RBFOX1: variants seen among roughly 807,000 people sequenced by gnomAD.
The protein encoded by RBFOX1 is RNA binding fox-1 homolog 1.
In RBFOX1, 8 loss-of-function variants were observed where a neutral mutation model predicts 57.7. The ratio of observed to expected loss-of-function variants is 0.14; its 90% CI spans 0.08 to 0.25. The LOEUF (loss-of-function observed/expected upper bound fraction) is 0.25. RBFOX1 is among the 10% of genes least tolerant of loss of function. RBFOX1 has a pLI of 1.00. For missense variants in RBFOX1, 611 were observed against 548.5 expected, an observed-to-expected ratio of 1.11 and a Z score of -1.14; for synonymous variants, 326 against 222.4, an observed-to-expected ratio of 1.47 and a Z score of -4.15.
At chr16:5,425,079 A>G (rs1365290348) in intron 1 of RBFOX1, among the ~76,000 whole-genome samples, 4 of 126,586 alleles carry the variant, frequency 3.2e-5, no homozygotes, top group African/African-American at 6.3e-5. Context: ...CTATCTATCT[A>G]TCTATCTATC....
chr16:7,338,773 A>G (rs1309752706), intron 4 of RBFOX1, among the ~76,000 whole-genome samples: 3 of 152,206 alleles, frequency 2.0e-5, no homozygotes, highest in African/African-American at 7.2e-5. Flanking sequence ...AAGATAAAGA[A>G]ATCTATAAAG....
chr16:6,992,282 A>G (rs564608019), intron 3 of RBFOX1, among the ~76,000 whole-genome samples: 11 of 151,970 alleles, frequency 7.2e-5, no homozygotes, highest in Admixed American at 6.6e-4. Context: ...TCCTGGTGCA[A>G]TCTCGGCTCA....
intron 2 of RBFOX1, among the ~76,000 whole-genome samples, chr16:5,513,540 G>T (rs2043681986): frequency 6.6e-6 from 1 of 152,176 alleles, no homozygotes; most frequent in African/African-American, 2.4e-5. Flanking sequence ...AATATGAGCA[G>T]CTCACATTTG....
chr16:6,081,455 C>G (rs2096000609), intron 1 of RBFOX1, among the ~76,000 whole-genome samples: 1 of 152,152 alleles, frequency 6.6e-6, no homozygotes, highest in African/African-American at 2.4e-5. Flanking sequence ...TGCTTCTGAG[C>G]TGAAGATGAA....
At chr16:7,504,541 A>G (rs1358857306) in intron 4 of RBFOX1, among the ~76,000 whole-genome samples, 1 of 149,892 alleles carries the variant, frequency 6.7e-6, no homozygotes. Context: ...CAGCCCACAA[A>G]AAAAGGTCAA....
intron 3 of RBFOX1, among the ~76,000 whole-genome samples, chr16:5,619,408 G>C (rs2048138637): frequency 6.6e-6 from 1 of 152,128 alleles, no homozygotes; most frequent in South Asian, 2.1e-4. Context: ...CCTGGGGCTG[G>C]GACTAGATTG....
chr16:7,101,227 T>C (rs1443537543), intron 4 of RBFOX1, among the ~76,000 whole-genome samples: 1 of 152,194 alleles, frequency 6.6e-6, no homozygotes, highest in Non-Finnish European at 1.5e-5. Context: ...AGGAATTTAT[T>C]CTGCACCAGC....
At chr16:6,672,384 A>G (rs1406744180) in intron 3 of RBFOX1, among the ~76,000 whole-genome samples, 3 of 151,066 alleles carry the variant, frequency 2.0e-5, no homozygotes, top group Non-Finnish European at 3.0e-5. Context: ...AAAGAGAGAG[A>G]GAAGGAGAGA....
At chr16:5,253,681 A>G (rs2062512979) in intron 1 of RBFOX1, among the ~76,000 whole-genome samples, 1 of 152,228 alleles carries the variant, frequency 6.6e-6, no homozygotes, top group South Asian at 2.1e-4. Context: ...TGAATCTGTT[A>G]CAGACAGGGT....
At chr16:5,638,917 C>G (rs542585520) in intron 3 of RBFOX1, among the ~76,000 whole-genome samples, 84 of 152,272 alleles carry the variant, frequency 5.5e-4, no homozygotes, top group African/African-American at 1.9e-3. Context: ...CTGTGAAACC[C>G]AACTCAAATG....
chr16:6,497,227 G>C (rs2095796305), intron 2 of RBFOX1, among the ~76,000 whole-genome samples: 1 of 152,148 alleles, frequency 6.6e-6, no homozygotes, highest in Non-Finnish European at 1.5e-5. Flanking sequence ...TTGTAACTGA[G>C]GCTGGAGAAA....
chr16:7,228,283 C>G (rs2093278180), intron 4 of RBFOX1, among the ~76,000 whole-genome samples: 1 of 152,144 alleles, frequency 6.6e-6, no homozygotes, highest in Non-Finnish European at 1.5e-5. Flanking sequence ...GGACTATATT[C>G]ATCCTCAAGG....
At chr16:6,768,292 T>G (rs912085845) in intron 3 of RBFOX1, among the ~76,000 whole-genome samples, 1 of 152,124 alleles carries the variant, frequency 6.6e-6, no homozygotes, top group Non-Finnish European at 1.5e-5. Flanking sequence ...AAACAATAAA[T>G]GTTTGTAATT....
intron 1 of RBFOX1, among the ~76,000 whole-genome samples, chr16:6,313,289 C>T (rs58701010): frequency 0.02 from 3,088 of 152,208 alleles, 118 homozygotes; most frequent in African/African-American, 0.071. Flanking sequence ...AATGGGAAGC[C>T]AGCAATGTAG....
At chr16:6,413,044 G>A (rs891849944) in intron 2 of RBFOX1, among the ~76,000 whole-genome samples, 3 of 152,168 alleles carry the variant, frequency 2.0e-5, no homozygotes, top group Admixed American at 6.5e-5. Context: ...TTTTGGCCAG[G>A]TACAGTGCCT....
At chr16:6,601,385 T>G (rs55723426) in intron 2 of RBFOX1, among the ~76,000 whole-genome samples, 2 of 152,138 alleles carry the variant, frequency 1.3e-5, no homozygotes, top group Non-Finnish European at 2.9e-5. Flanking sequence ...AGGTGAGAGT[T>G]ACGGTGCTTT....
At chr16:6,162,535 G>C (rs76411774) in intron 1 of RBFOX1, among the ~76,000 whole-genome samples, 1 of 152,174 alleles carries the variant, frequency 6.6e-6, no homozygotes, top group African/African-American at 2.4e-5. Flanking sequence ...TGCAGGGCCA[G>C]TGAAACATAG....
chr16:5,645,590 C>T (rs1196170754), intron 3 of RBFOX1, among the ~76,000 whole-genome samples: 1 of 152,202 alleles, frequency 6.6e-6, no homozygotes, highest in Non-Finnish European at 1.5e-5. Flanking sequence ...AAAAGAGTCT[C>T]ATATATACAT....
chr16:7,379,470 T>C (rs1289519072), intron 4 of RBFOX1, among the ~76,000 whole-genome samples: 2 of 152,194 alleles, frequency 1.3e-5, no homozygotes, highest in African/African-American at 4.8e-5. Context: ...ATAAGAAGAA[T>C]GGCTTCTGCC....
Sources: allele counts gnomAD v4.1 joint callset (sites outside exome capture counted in the v4.1 genomes callset), GRCh38; gene constraint gnomAD v4.1.1; transcripts MANE v1.5; gene names NCBI Gene and HGNC (gene_info 2026-07-23, HGNC 2026-07-21).